The following ZFYVE9 variants were observed in gnomAD, a reference collection of about 807,000 sequenced individuals.
ZFYVE9 encodes the protein zinc finger FYVE-type containing 9, also known as zinc finger FYVE domain-containing protein 9.
In ZFYVE9, 43 loss-of-function variants were observed where a neutral mutation model predicts 126.7. The observed-to-expected ratio is 0.34, with a 90% confidence interval of 0.27 to 0.44. The LOEUF is 0.44. ZFYVE9 is among the 20% of genes least tolerant of loss of function. The probability of loss-of-function intolerance (pLI) is 1.00; values close to 1 mark genes in which losing one functional copy is unlikely to be tolerated. For synonymous variants in ZFYVE9, 521 were observed against 597.4 expected, an observed-to-expected ratio of 0.87 and a Z score of 1.87; for missense variants, 1,476 against 1,697.0, an observed-to-expected ratio of 0.87 and a Z score of 2.29.
chr1:52,343,288 A>T (rs1646456029), intron 17 of ZFYVE9, among the ~76,000 whole-genome samples: 2 of 151,896 alleles, frequency 1.3e-5, no homozygotes, highest in South Asian at 4.2e-4. Flanking sequence ...TCTACTAAAA[A>T]TACAAAAATT....
chr1:52,162,027 A>G (rs968438410), intron 1 of ZFYVE9, among the ~76,000 whole-genome samples: 1 of 151,950 alleles, frequency 6.6e-6, no homozygotes, highest in Non-Finnish European at 1.5e-5. Flanking sequence ...CATCTTTAGG[A>G]GTATAATGTA....
rs796295624 is a variant in ZFYVE9 at position 52,205,067 on chromosome 1, A to T, written c.-142-11302A>T. Among the ~76,000 whole-genome samples the T allele has an allele frequency of 7.7e-4, 91 of 117,774 alleles. 1 individual carries two copies. The highest frequency in any genetic ancestry group is 3.9e-3 in the South Asian group (14 of 3,612). The allele number at this position is 117,774 out of a possible 152,430, so 77.3% of individuals were successfully genotyped here. On this transcript the variant is annotated intron_variant, in intron 1 of 18. Coordinates refer to ENST00000287727, the MANE Select transcript of ZFYVE9 (RefSeq NM_004799.4). ...ATTTGGGTCAGGGTTTGTGCTGTGA[A>T]TTTTTTTTTTTTTTTTTTTTTTTTG...
intron 15 of ZFYVE9, among the ~76,000 whole-genome samples, chr1:52,336,158 AGGGCT>A (rs951484295): frequency 1.2e-4 from 18 of 151,958 alleles, no homozygotes; most frequent in African/African-American, 3.9e-4. Context: ...GTCCTTTCTT[AGGGCT>A]GGATTCCAGT....
intron 7 of ZFYVE9, among the ~76,000 whole-genome samples, chr1:52,272,673 C>CTTTTTTTGTTTTTTT (rs1645704958): frequency 8.2e-6 from 1 of 121,286 alleles, no homozygotes; most frequent in African/African-American, 3.4e-5. Flanking sequence ...TAGAAATAAT[C>CTTTTTTTGTTTTTTT]TTTTTTTTTT....
intron 1 of ZFYVE9, among the ~76,000 whole-genome samples, chr1:52,207,456 C>T (rs1644988671): frequency 6.6e-6 from 1 of 152,156 alleles, no homozygotes; most frequent in South Asian, 2.1e-4. Context: ...GATGGATATG[C>T]TGGAAATTGA....
intron 1 of ZFYVE9, among the ~76,000 whole-genome samples, chr1:52,170,527 T>A (rs1411603464): frequency 6.6e-6 from 1 of 152,122 alleles, no homozygotes; most frequent in East Asian, 1.9e-4. Flanking sequence ...TAATTTTGGG[T>A]TTGGTTTGCT....
At chr1:52,156,336 G>C (rs1431886422) in intron 1 of ZFYVE9, among the ~76,000 whole-genome samples, 1 of 152,086 alleles carries the variant, frequency 6.6e-6, no homozygotes, top group Non-Finnish European at 1.5e-5. Flanking sequence ...AGATCCAACT[G>C]GTTCCTGCAG....
At chr1:52,181,213 CCTGCGATTG>C (rs1304615246) in intron 1 of ZFYVE9, among the ~76,000 whole-genome samples, 2 of 152,128 alleles carry the variant, frequency 1.3e-5, no homozygotes, top group African/African-American at 2.4e-5. Flanking sequence ...CTGCTGAGTG[CCTGCGATTG>C]CAGGCGCGCG....
chr1:52,268,670 C>T, intron 7 of ZFYVE9, 38 bp downstream of exon 7: 1 of 1,600,328 alleles, frequency 6.2e-7, no homozygotes, highest in Non-Finnish European at 8.5e-7. Context: ...TGCATAGCTA[C>T]TTTACTCAGC....
chr1:52,223,254 C>G (rs1279448379), intron 2 of ZFYVE9, among the ~76,000 whole-genome samples: 2 of 152,152 alleles, frequency 1.3e-5, no homozygotes, highest in African/African-American at 4.8e-5. Flanking sequence ...GCTTTCCACA[C>G]TAGAAACATC....
intron 1 of ZFYVE9, among the ~76,000 whole-genome samples, chr1:52,188,988 A>G (rs1429420914): frequency 6.6e-6 from 1 of 151,922 alleles, no homozygotes; most frequent in African/African-American, 2.4e-5. Flanking sequence ...CCCACGTTGG[A>G]GTGCAGTGGC....
chr1:52,197,259 G>T (rs1406535862), intron 1 of ZFYVE9, among the ~76,000 whole-genome samples: 1 of 152,112 alleles, frequency 6.6e-6, no homozygotes, highest in Non-Finnish European at 1.5e-5. Flanking sequence ...GAGTGATAGA[G>T]AATTACTATA....
Position 52,237,616 on chromosome 1 carries a change from C to A in ZFYVE9, c.199C>A (p.Pro67Thr). 1 of 1,614,068 alleles carries A rather than the reference C, an allele frequency of 6.2e-7. No homozygotes were observed. Among genetic ancestry groups the A allele is most frequent in the South Asian group, 1.1e-5 (1 of 91,072 alleles). ...NESAVSNESQ[P>T]QLKVFSLAHS... ...ATCTGCAGTTTCTAATGAGTCACAA[C>A]CACAACTGAAAGTCTTCTCCCTGGC... Residue 67 changes from proline to threonine, a missense_variant, in exon 4 of 19, where the codon CCA (proline) becomes ACA (threonine). Pro to Thr is a conservative substitution (Grantham distance 38, BLOSUM62 -1). Around this residue, in one of 2 missense-constraint regions of ZFYVE9, gnomAD observed 807 missense variants for 794.6 expected, o/e 1.02. Transcript: ENST00000287727.
At chr1:52,273,242 G>T (rs577791981) in intron 7 of ZFYVE9, among the ~76,000 whole-genome samples, 1 of 149,678 alleles carries the variant, frequency 6.7e-6, no homozygotes, top group South Asian at 2.1e-4. Context: ...CCTGACCTCA[G>T]GTGATCCACC....
At chr1:52,241,733 GATA>G (rs763700338) in intron 4 of ZFYVE9, among the ~76,000 whole-genome samples, 38 of 151,956 alleles carry the variant, frequency 2.5e-4, no homozygotes, top group Non-Finnish European at 4.7e-4. Context: ...GTATTAATGA[GATA>G]ATATCTGTAA....
intron 5 of ZFYVE9, among the ~76,000 whole-genome samples, chr1:52,265,529 C>T (rs559618133): frequency 8.1e-4 from 124 of 152,272 alleles, no homozygotes; most frequent in African/African-American, 2.8e-3. Context: ...ATCCTATTTG[C>T]TTTAAAGGCG....
intron 12 of ZFYVE9, among the ~76,000 whole-genome samples, chr1:52,303,280 A>G (rs886558645): frequency 2.6e-5 from 4 of 152,224 alleles, no homozygotes; most frequent in Admixed American, 1.3e-4. Flanking sequence ...CTAAAGGCAA[A>G]AGTCCTCACG....
chr1:52,333,909 G>A (rs1646366793), intron 14 of ZFYVE9, among the ~76,000 whole-genome samples: 5 of 152,084 alleles, frequency 3.3e-5, no homozygotes, highest in Non-Finnish European at 5.9e-5. Flanking sequence ...TGACCAACGT[G>A]GTGAAACTTC....
Position 52,313,866 on chromosome 1 carries a change from A to G in ZFYVE9, c.3438+9941A>G, listed in dbSNP as rs191447319. On this transcript the variant is annotated intron_variant, in intron 13 of 18. Coordinates refer to ENST00000287727, the MANE Select transcript of ZFYVE9 (RefSeq NM_004799.4). ...GATGAAATTAAATGCAGTTTAGACA[A>G]TGCTGAAGAAAAAACTCGTGATCAT... Among the ~76,000 whole-genome samples, 133 of 152,360 alleles carry G rather than the reference A, an allele frequency of 8.7e-4. 3 individuals carry two copies. In the East Asian group the frequency reaches 0.016, roughly 19 times the overall value.
Sources: allele counts gnomAD v4.1 joint callset (sites outside exome capture counted in the v4.1 genomes callset), GRCh38; gene constraint gnomAD v4.1.1; regional missense constraint gnomAD v4.1.1; transcripts MANE v1.5; gene names NCBI Gene and HGNC (gene_info 2026-07-23, HGNC 2026-07-21).